The following BANP variants were observed in gnomAD, a reference collection of about 807,000 sequenced individuals.
BANP encodes BTG3 associated nuclear protein, also known as protein BANP.
BANP carries 11 observed loss-of-function variants against 68.1 expected under a neutral mutation model. The observed-to-expected ratio is 0.16, with a 90% CI of 0.10 to 0.27. BANP has a LOEUF of 0.27. Ranked by LOEUF, BANP falls within the 10% of genes least tolerant of loss-of-function variation. The pLI is 1.00. For missense variants in BANP, 504 were observed against 722.7 expected, an observed-to-expected ratio of 0.70 and a Z score of 3.47; for synonymous variants, 329 against 303.2, an observed-to-expected ratio of 1.09 and a Z score of -0.88.
intron 11 of BANP, among the ~76,000 whole-genome samples, chr16:88,046,953 C>G (rs2152807606): frequency 6.6e-6 from 1 of 151,920 alleles, no homozygotes; most frequent in South Asian, 2.1e-4. Context: ...GTACTCCCAG[C>G]TACTCGGGAG....
chr16:87,974,731 G>A (rs1373982047), intron 1 of BANP, among the ~76,000 whole-genome samples: 1 of 152,158 alleles, frequency 6.6e-6, no homozygotes, highest in African/African-American at 2.4e-5. Flanking sequence ...CTGGAGACTT[G>A]GGCTGAGGGA....
chr16:87,962,042 C>T (rs1324646685), intron 1 of BANP, among the ~76,000 whole-genome samples: 1 of 152,024 alleles, frequency 6.6e-6, no homozygotes, highest in Non-Finnish European at 1.5e-5. Context: ...GAGTTCAAGA[C>T]CAGCCTGCCA....
intron 12 of BANP, among the ~76,000 whole-genome samples, chr16:88,068,603 G>A (rs1427603546): frequency 2.6e-5 from 4 of 152,144 alleles, no homozygotes; most frequent in Non-Finnish European, 4.4e-5. Context: ...AGAGCCCACT[G>A]GTGCGGGTGC....
At chr16:88,025,962 A>G (rs1448383089) in intron 7 of BANP, among the ~76,000 whole-genome samples, 2 of 152,206 alleles carry the variant, frequency 1.3e-5, no homozygotes, top group Non-Finnish European at 2.9e-5. Flanking sequence ...CATCATGCCC[A>G]CATTCGTCAT....
At position 87,991,218 on chromosome 16, in the gene BANP, AC is replaced by A. The variant is rs1180312863; in HGVS notation, c.362+6960del. On this transcript the variant is annotated intron_variant, in intron 4 of 13. Coordinates refer to ENST00000682872, the MANE Select transcript of BANP (RefSeq NM_001386991.1). ...ATACCTACAACTTCAGGAATTATTCACATAATTGTATGGTACAGTTTACATA... is the reference window on the plus strand; with the variant it reads ...ATACCTACAACTTCAGGAATTATTCAATAATTGTATGGTACAGTTTACATA... Among the ~76,000 whole-genome samples the A allele has an allele frequency of 2.6e-5, 4 of 151,272 alleles. No homozygotes were observed. In the South Asian group the frequency reaches 6.2e-4, roughly 23 times the overall value.
chr16:88,076,634 C>G lies in BANP; in HGVS notation c.1566C>G (p.Leu522=), dbSNP rs763580957. 1.9e-6 allele frequency: 3 copies of G among 1,610,854 alleles called. No homozygotes were observed. The highest frequency in any genetic ancestry group is 2.5e-6 in the Non-Finnish European group (3 of 1,179,674). Residue 522 remains leucine, a synonymous_variant, in exon 14 of 14, where the codon CTC becomes CTG. Coordinates refer to ENST00000682872, the MANE Select transcript of BANP (RefSeq NM_001386991.1). ...CCACGCTACAGCCGGAGATGCAGCT[C>G]GAGCACGGGGCCATCCAGATTCAGT... ...LQPTLQPEMQ[L]EHGAIQIQ
At chr16:88,061,085 T>TG (rs1407146713) in intron 11 of BANP, among the ~76,000 whole-genome samples, 2 of 152,148 alleles carry the variant, frequency 1.3e-5, no homozygotes, top group African/African-American at 4.8e-5. Context: ...TTCCCTTCCT[T>TG]CGAGTTTTTA....
chr16:88,069,955 T>A (rs897467358), intron 12 of BANP, among the ~76,000 whole-genome samples: 1 of 151,990 alleles, frequency 6.6e-6, no homozygotes, highest in African/African-American at 2.4e-5. Context: ...CTCCTGTTCC[T>A]CCTCTTCCCC....
In BANP at chr16:87,957,656, A is replaced by T. The variant is rs1455778682; in HGVS notation, c.-69+6141A>T. 6.6e-6 allele frequency among the ~76,000 whole-genome samples: 1 copy of T among 152,256 alleles called. No homozygotes were observed. The highest frequency in any genetic ancestry group is 1.5e-5 in the Non-Finnish European group (1 of 68,044). ...AAAAGTCATCAAATATCTGGAAGCAAAGCTTAATCTTTCTGAAAGTAGAAA... is the reference window on the plus strand; with the variant it reads ...AAAAGTCATCAAATATCTGGAAGCATAGCTTAATCTTTCTGAAAGTAGAAA... On this transcript the variant is annotated intron_variant, in intron 1 of 13. Coordinates refer to ENST00000682872, the MANE Select transcript of BANP (RefSeq NM_001386991.1). The surrounding 1 kb of genome is among the most constrained non-coding windows in gnomAD (Gnocchi z 4.3).
At chr16:88,015,151 C>T (rs1354310624) in intron 6 of BANP, among the ~76,000 whole-genome samples, 3 of 141,018 alleles carry the variant, frequency 2.1e-5, no homozygotes, top group East Asian at 2.2e-4. Context: ...TCCCTTAGCT[C>T]GTGCCCTCTG....
intron 1 of BANP, among the ~76,000 whole-genome samples, chr16:87,969,795 G>A (rs1485245099): frequency 6.6e-6 from 1 of 151,990 alleles, no homozygotes; most frequent in Non-Finnish European, 1.5e-5. Flanking sequence ...GCCTCCCAAA[G>A]TGCTGGATTA....
At chr16:87,991,986 C>T (rs1177203390) in intron 4 of BANP, among the ~76,000 whole-genome samples, 1 of 152,130 alleles carries the variant, frequency 6.6e-6, no homozygotes, top group Admixed American at 6.5e-5. Context: ...TCTGATGTTA[C>T]CAGTACATTT....
intron 9 of BANP, 79 bp downstream of exon 9, chr16:88,033,324 G>A (rs921803853): frequency 9.5e-6 from 13 of 1,373,916 alleles, no homozygotes; most frequent in South Asian, 5.2e-5. Context: ...GGCTTCCACC[G>A]GTTCCGCTGT....
chr16:88,027,636 C>G lies in BANP; in HGVS notation c.1049C>G (p.Ser350Cys). The change falls in exon 8 of 14, where the codon TCC becomes TGC. Residue 350 changes from serine (S) to cysteine (C), a missense_variant. By Grantham distance (112) the Ser-to-Cys change is moderately radical. This residue lies in a region of BANP where 223 missense variants were observed against 246.2 expected (regional missense o/e 0.91). Transcript: ENST00000682872. ...TCGCGGAGAACGCCCAACTCGTCCT[C>G]CTACTGCCCTTCAGGTAGGCCTCGT... is the stretch of plus-strand genomic sequence containing the variant. ...SFSRRTPNSS[S>C]YCPSEPMMST... is the part of the protein sequence containing the mutation. 1 of 1,613,412 alleles carries G rather than the reference C, an allele frequency of 6.2e-7. No homozygotes were observed.
rs2060991801 is a variant in BANP, at chr16:87,970,944, G to A, written c.-68-4104G>A. Among the ~76,000 whole-genome samples the A allele has an allele frequency of 2.0e-5, 3 of 151,806 alleles. No individual in the cohort carries two copies. In the South Asian group the frequency reaches 6.2e-4, roughly 32 times the overall value. The stretch of plus-strand genomic sequence containing the variant: ...AGGCTGGAGAATCGCTTGAACCCAG[G>A]AGGCGGAGGTTTCAGTGAGCCGAGA... On this transcript the variant is annotated intron_variant, in intron 1 of 13. Coordinates refer to ENST00000682872, the MANE Select transcript of BANP (RefSeq NM_001386991.1).
intron 4 of BANP, among the ~76,000 whole-genome samples, chr16:88,001,452 T>G (rs1433480774): frequency 6.6e-6 from 1 of 152,280 alleles, no homozygotes; most frequent in South Asian, 2.1e-4. Flanking sequence ...TTAGTATTGT[T>G]GTGGCACTTT....
At chr16:88,034,324 A>G (rs917181185) in intron 9 of BANP, among the ~76,000 whole-genome samples, 1 of 152,246 alleles carries the variant, frequency 6.6e-6, no homozygotes, top group African/African-American at 2.4e-5. Context: ...ACTTTGTCAT[A>G]AGGCTTACAT....
chr16:88,057,165 G>A lies in BANP; in HGVS notation c.1312-8102G>A, dbSNP rs147307114. 2.4e-3 allele frequency among the ~76,000 whole-genome samples: 367 copies of A among 152,218 alleles called. 1 individual carries two copies. Among genetic ancestry groups the A allele is most frequent in the Non-Finnish European group, 4.0e-3 (272 of 68,014 alleles). On this transcript the variant is annotated intron_variant, in intron 11 of 13. Transcript: ENST00000682872. The surrounding 1 kb of genome is among the most constrained non-coding windows in gnomAD (Gnocchi z 4.6). The stretch of plus-strand genomic sequence containing the variant: ...GCTGTGTCTGCCTTTTCTGGTGGGC[G>A]GGCCTGCCGTGTTGTGGTGGGGAGC...
chr16:88,046,775 A>G (rs1233404192), intron 11 of BANP, among the ~76,000 whole-genome samples: 2 of 151,896 alleles, frequency 1.3e-5, no homozygotes, highest in African/African-American at 2.4e-5. Flanking sequence ...TTTAAAATCC[A>G]TATCATGTTG....
Sources: allele counts gnomAD v4.1 joint callset (sites outside exome capture counted in the v4.1 genomes callset), GRCh38; gene constraint gnomAD v4.1.1; regional missense constraint gnomAD v4.1.1; non-coding constraint Gnocchi (gnomAD v3.1); transcripts MANE v1.5; gene names NCBI Gene and HGNC (gene_info 2026-07-23, HGNC 2026-07-21).